Variants in RGS7BP observed in about 807,000 individuals in gnomAD.
RGS7BP encodes regulator of G protein signaling 7-binding protein.
In RGS7BP, 9 loss-of-function variants were observed where a neutral mutation model predicts 31.3. The ratio of observed to expected loss-of-function variants is 0.29; its 90% CI spans 0.17 to 0.50. The LOEUF is 0.50. Among genes scored for constraint, RGS7BP ranks in the 20% least tolerant of loss-of-function variants. The probability of loss-of-function intolerance (pLI) is 0.98; values close to 1 mark genes in which losing one functional copy is unlikely to be tolerated. For missense variants in RGS7BP, 274 were observed against 322.0 expected (o/e 0.85, Z 1.14); for synonymous variants, 115 against 120.1 (o/e 0.96, Z 0.28).
At chr5:64,532,573 A>G (rs527462746) in intron 2 of RGS7BP, among the ~76,000 whole-genome samples, 5 of 152,304 alleles carry the variant, frequency 3.3e-5, no homozygotes, top group African/African-American at 7.2e-5. Flanking sequence ...TTTAAAAACA[A>G]TAAGTAAAAA....
chr5:64,540,852 C>T (rs1741509999), intron 2 of RGS7BP, among the ~76,000 whole-genome samples: 2 of 152,164 alleles, frequency 1.3e-5, no homozygotes, highest in Non-Finnish European at 2.9e-5. Context: ...AAAGCCTCAA[C>T]CAGGCCAAGG....
intron 2 of RGS7BP, among the ~76,000 whole-genome samples, chr5:64,509,497 A>G (rs1748776516): frequency 6.6e-6 from 1 of 152,206 alleles, no homozygotes; most frequent in African/African-American, 2.4e-5. Context: ...CTGAAGGTTC[A>G]GGAAAGAAAA....
Position 64,575,752 on chromosome 5 carries a change from TTTCTCTTTCA to T in RGS7BP, c.333-17_333-8del. On this transcript the variant is annotated splice_polypyrimidine_tract_variant and intron_variant, in intron 2 of 5. Coordinates refer to ENST00000334025, the MANE Select transcript of RGS7BP (RefSeq NM_001029875.3). ...TGAAATCTTGAGAATGTTCACAGCT[TTTCTCTTTCA>T]TTCTGTTGCAGCCCGGAAGATGGTG... 6.3e-7 allele frequency: 1 copy of T among 1,595,132 alleles called. No individual in the cohort carries two copies. Among genetic ancestry groups the T allele is most frequent in the Non-Finnish European group, 8.5e-7 (1 of 1,173,004 alleles).
At chr5:64,518,936 T>C (rs1012430946) in intron 2 of RGS7BP, among the ~76,000 whole-genome samples, 9 of 151,610 alleles carry the variant, frequency 5.9e-5, no homozygotes, top group African/African-American at 2.2e-4. Flanking sequence ...CTTAAAAGAG[T>C]TTCTCAGAAG....
Position 64,506,417 on chromosome 5 carries a change from T to C in RGS7BP, c.-208T>C. The C allele has an allele frequency of 2.4e-6, 1 of 424,328 alleles. No homozygotes were observed. Among genetic ancestry groups the C allele is most frequent in the Non-Finnish European group, 4.2e-6 (1 of 240,784 alleles). 26.3% of individuals were successfully genotyped at this position (424,328 alleles called of 1,614,324 possible). On this transcript the variant is annotated 5_prime_UTR_variant, in exon 1 of 6. Transcript: ENST00000334025. The surrounding 1 kb of genome is among the most constrained non-coding windows in gnomAD (Gnocchi z 4.6). ...GATCGCGCTCCTTCCTCGCTGCTAGTGGAAGCGATGCTGCACGGCACAGCT... is the reference window on the plus strand; with the variant it reads ...GATCGCGCTCCTTCCTCGCTGCTAGCGGAAGCGATGCTGCACGGCACAGCT...
chr5:64,588,388 A>G (rs753587898), intron 3 of RGS7BP, among the ~76,000 whole-genome samples: 18 of 152,286 alleles, frequency 1.2e-4, no homozygotes, highest in Non-Finnish European at 2.6e-4. Context: ...TATTCAGTAT[A>G]ATGAAAATGT....
intron 2 of RGS7BP, among the ~76,000 whole-genome samples, chr5:64,552,952 G>C (rs368085791): frequency 1.3e-5 from 2 of 152,030 alleles, no homozygotes; most frequent in Non-Finnish European, 2.9e-5. Context: ...TAAATTATCC[G>C]GACTTACTTC....
At chr5:64,515,288 A>C (rs1748944484) in intron 2 of RGS7BP, among the ~76,000 whole-genome samples, 1 of 152,180 alleles carries the variant, frequency 6.6e-6, no homozygotes, top group Admixed American at 6.5e-5. Flanking sequence ...TAACTCTAAA[A>C]CCAATATGTT....
intron 1 of RGS7BP, among the ~76,000 whole-genome samples, 200 bp from the exon 2 acceptor site, chr5:64,507,511 T>C (rs1340097666): frequency 6.6e-6 from 1 of 152,172 alleles, no homozygotes; most frequent in Non-Finnish European, 1.5e-5. Context: ...CAGGCTTGCC[T>C]ATGGAAATAA....
intron 2 of RGS7BP, among the ~76,000 whole-genome samples, chr5:64,574,843 T>A (rs1742379325): frequency 6.6e-6 from 1 of 152,194 alleles, no homozygotes. Flanking sequence ...AAAAATCAGA[T>A]TTCATTGCAT....
chr5:64,570,238 T>C (rs1742273040), intron 2 of RGS7BP, among the ~76,000 whole-genome samples: 1 of 152,116 alleles, frequency 6.6e-6, no homozygotes, highest in Non-Finnish European at 1.5e-5. Flanking sequence ...TAAAAGGGAT[T>C]GCAGCCAACT....
chr5:64,555,811 G>A (rs1225995411), intron 2 of RGS7BP, among the ~76,000 whole-genome samples: 7 of 152,026 alleles, frequency 4.6e-5, no homozygotes, highest in African/African-American at 1.2e-4. Flanking sequence ...TAATTCTGTG[G>A]TAAAATTGGT....
chr5:64,522,273 T>C (rs1407093890), intron 2 of RGS7BP, among the ~76,000 whole-genome samples: 1 of 152,192 alleles, frequency 6.6e-6, no homozygotes, highest in Non-Finnish European at 1.5e-5. Flanking sequence ...GTTGGGTCAG[T>C]TCCCTTGACC....
intron 5 of RGS7BP, among the ~76,000 whole-genome samples, chr5:64,600,910 C>A (rs1743200616): frequency 6.6e-6 from 1 of 152,190 alleles, no homozygotes; most frequent in African/African-American, 2.4e-5. Flanking sequence ...TTGACAGATG[C>A]ATATGGCACC....
intron 3 of RGS7BP, among the ~76,000 whole-genome samples, chr5:64,591,593 T>G (rs912433611): frequency 1.3e-5 from 2 of 152,118 alleles, no homozygotes; most frequent in Admixed American, 6.6e-5. Flanking sequence ...AAATTTAAAA[T>G]GTGCATACAT....
At chr5:64,539,359 AT>A (rs1741464114) in intron 2 of RGS7BP, 2 of 152,282 alleles carry the variant, frequency 1.3e-5, no homozygotes, top group Admixed American at 1.3e-4. Flanking sequence ...CACAGAGCAA[AT>A]TTTTAAAAAT....
intron 2 of RGS7BP, among the ~76,000 whole-genome samples, chr5:64,522,099 C>T (rs977971324): frequency 2.6e-5 from 4 of 152,214 alleles, no homozygotes; most frequent in Non-Finnish European, 5.9e-5. Flanking sequence ...ACAACAGATT[C>T]TCTATCCTCA....
At chr5:64,510,511 T>G (rs1277097318) in intron 2 of RGS7BP, among the ~76,000 whole-genome samples, 3 of 152,124 alleles carry the variant, frequency 2.0e-5, no homozygotes, top group African/African-American at 7.2e-5. Context: ...AGACAGAAAG[T>G]AGATTAGTGG....
At chr5:64,548,014 G>T (rs1741701607) in intron 2 of RGS7BP, among the ~76,000 whole-genome samples, 1 of 151,962 alleles carries the variant, frequency 6.6e-6, no homozygotes, top group African/African-American at 2.4e-5. Flanking sequence ...GTTTCTGTTT[G>T]ATGCAATATC....
Sources: allele counts gnomAD v4.1 joint callset (sites outside exome capture counted in the v4.1 genomes callset), GRCh38; gene constraint gnomAD v4.1.1; non-coding constraint Gnocchi (gnomAD v3.1); transcripts MANE v1.5; gene names NCBI Gene and HGNC (gene_info 2026-07-23, HGNC 2026-07-21).